The following ENAH variants were observed in gnomAD, a reference collection of about 807,000 sequenced individuals.
The protein encoded by ENAH is protein enabled homolog.
ENAH carries 23 observed loss-of-function variants against 78.7 expected under a neutral mutation model. That is an observed-to-expected ratio of 0.29 (90% CI 0.21 to 0.41). The LOEUF (loss-of-function observed/expected upper bound fraction) is 0.41, where lower values mean the gene tolerates loss of function less well. Ranked by LOEUF, ENAH falls within the 10% of genes least tolerant of loss-of-function variation. ENAH has a pLI of 1.00. For synonymous variants in ENAH, 226 were observed against 241.0 expected (o/e 0.94, Z 0.58); for missense variants, 544 against 691.0 (o/e 0.79, Z 2.39).
chr1:225,637,418 G>A (rs930859319), intron 1 of ENAH, among the ~76,000 whole-genome samples: 1 of 152,150 alleles, frequency 6.6e-6, no homozygotes, highest in Non-Finnish European at 1.5e-5. Context: ...AGTTAGCCAG[G>A]CTGGTCTAGA....
At chr1:225,500,718 A>G (rs2096277071) in intron 12 of ENAH, among the ~76,000 whole-genome samples, 1 of 152,164 alleles carries the variant, frequency 6.6e-6, no homozygotes, top group African/African-American at 2.4e-5. Context: ...TTTTCTTTAC[A>G]ACTGCGTACC....
chr1:225,653,333 A>ACGG (rs559736104), upstream of ENAH, among the ~76,000 whole-genome samples: 1,419 of 149,970 alleles, frequency 9.5e-3, 11 homozygotes, highest in Non-Finnish European at 0.015. This position sits in a 1 kb window ranked among gnomAD's most constrained non-coding sequence, Gnocchi z 4.3. Context: ...AGCGAGCGCG[A>ACGG]CGGCGGCGGC....
At chr1:225,519,662 T>A (rs2096452633) in intron 4 of ENAH, 97 bp from the exon 5 acceptor site, 1 of 1,505,090 alleles carries the variant, frequency 6.6e-7, no homozygotes, top group Non-Finnish European at 8.8e-7. Context: ...CTGAGTCAAA[T>A]AAAAGCAATG....
In ENAH at chr1:225,513,034, G is replaced by C. The variant is rs781409858; in HGVS notation, c.1219-18C>G. The C allele has an allele frequency of 1.3e-6, 2 of 1,586,568 alleles. No homozygotes were observed. The highest frequency in any genetic ancestry group is 2.7e-5 in the African/African-American group (2 of 73,838). ...TCCTCCATCTTAATGAGAATATACAGACATAATCAACTCCTATGTTAGACA... is the reference window on the plus strand; with the variant it reads ...TCCTCCATCTTAATGAGAATATACACACATAATCAACTCCTATGTTAGACA... On this transcript the variant is annotated intron_variant, in intron 7 of 13. Transcript: ENST00000366843.
At chr1:225,644,418 G>A (rs546472456) in intron 1 of ENAH, among the ~76,000 whole-genome samples, 42 of 152,176 alleles carry the variant, frequency 2.8e-4, no homozygotes, top group South Asian at 8.3e-4. Flanking sequence ...AAAACTGAAC[G>A]GTCACAATTT....
chr1:225,500,937 T>C, intron 12 of ENAH, 55 bp downstream of exon 12: 2 of 1,500,082 alleles, frequency 1.3e-6, no homozygotes, highest in South Asian at 2.3e-5. Flanking sequence ...GCATATGGGA[T>C]ATTTTTTAAA....
At chr1:225,629,334 C>T (rs1411216590) in intron 1 of ENAH, among the ~76,000 whole-genome samples, 2 of 151,412 alleles carry the variant, frequency 1.3e-5, no homozygotes, top group Non-Finnish European at 2.9e-5. Context: ...GCCTATAATC[C>T]CAGCACTTTG....
At chr1:225,536,230 T>C (rs985433810) in intron 3 of ENAH, among the ~76,000 whole-genome samples, 2 of 152,108 alleles carry the variant, frequency 1.3e-5, no homozygotes, top group Non-Finnish European at 2.9e-5. Flanking sequence ...CAAACAGCCA[T>C]TTATTTAGGC....
chr1:225,614,873 G>A (rs192130013), intron 1 of ENAH, among the ~76,000 whole-genome samples: 6 of 152,198 alleles, frequency 3.9e-5, no homozygotes, highest in Admixed American at 1.3e-4. Flanking sequence ...TCAAATTTCC[G>A]ATTCCATAAG....
At chr1:225,569,925 GT>G (rs1347016331) in intron 1 of ENAH, among the ~76,000 whole-genome samples, 1 of 152,188 alleles carries the variant, frequency 6.6e-6, no homozygotes, top group Admixed American at 6.5e-5. Flanking sequence ...TCAGGCACTG[GT>G]GGGGCGCAGT....
intron 4 of ENAH, among the ~76,000 whole-genome samples, chr1:225,524,018 T>A: frequency 6.6e-6 from 1 of 152,234 alleles, no homozygotes. Context: ...ATATATATTC[T>A]ACAATAATTT....
intron 1 of ENAH, among the ~76,000 whole-genome samples, chr1:225,576,874 C>G (rs1353489113): frequency 6.6e-6 from 1 of 152,194 alleles, no homozygotes; most frequent in African/African-American, 2.4e-5. Flanking sequence ...GTGGCTCACA[C>G]CTGTAATCCC....
At chr1:225,503,511 AGTGATCCTCC>A (rs2096297566) in intron 11 of ENAH, among the ~76,000 whole-genome samples, 1 of 152,090 alleles carries the variant, frequency 6.6e-6, no homozygotes, top group Non-Finnish European at 1.5e-5. Context: ...CCTGGACTCA[AGTGATCCTCC>A]TGCCTCGGCC....
chr1:225,585,531 T>C (rs1254266266), intron 1 of ENAH, among the ~76,000 whole-genome samples: 1 of 151,950 alleles, frequency 6.6e-6, no homozygotes, highest in Non-Finnish European at 1.5e-5. Context: ...CTCATGCCTA[T>C]AATCCCAGCA....
At chr1:225,615,828 G>A (rs531781376) in intron 1 of ENAH, among the ~76,000 whole-genome samples, 2 of 152,248 alleles carry the variant, frequency 1.3e-5, no homozygotes, top group South Asian at 4.2e-4. Context: ...TCTGGGAGGT[G>A]TACCCAACAG....
intron 4 of ENAH, among the ~76,000 whole-genome samples, chr1:225,526,033 AG>A (rs1259841851): frequency 6.6e-6 from 1 of 152,192 alleles, no homozygotes; most frequent in Non-Finnish European, 1.5e-5. Flanking sequence ...CGAGCTACAA[AG>A]GAAGAGTCTA....
chr1:225,626,917 C>A (rs1055826166), intron 1 of ENAH, among the ~76,000 whole-genome samples: 2 of 152,134 alleles, frequency 1.3e-5, no homozygotes, highest in African/African-American at 4.8e-5. Flanking sequence ...TGTCAGCTGA[C>A]ATATGAGACA....
intron 1 of ENAH, among the ~76,000 whole-genome samples, chr1:225,616,791 A>C (rs1172104913): frequency 6.6e-6 from 1 of 152,146 alleles, no homozygotes; most frequent in Non-Finnish European, 1.5e-5. Context: ...TTGGAAAACT[A>C]ACTCCACCCA....
intron 1 of ENAH, among the ~76,000 whole-genome samples, chr1:225,588,122 G>A (rs1246047726): frequency 5.3e-5 from 8 of 152,194 alleles, no homozygotes; most frequent in Admixed American, 5.2e-4. Context: ...CCCATAAAAA[G>A]ACACTTTTAA....
Sources: allele counts gnomAD v4.1 joint callset (sites outside exome capture counted in the v4.1 genomes callset), GRCh38; gene constraint gnomAD v4.1.1; non-coding constraint Gnocchi (gnomAD v3.1); transcripts MANE v1.5; gene names NCBI Gene and HGNC (gene_info 2026-07-23, HGNC 2026-07-21).